Variants in TMEM248 observed in about 807,000 individuals in gnomAD.
TMEM248 encodes the protein UPF0458 protein C7orf42.
Under a neutral mutation model 30.3 loss-of-function variants are expected in TMEM248, and 9 were observed. The observed-to-expected ratio is 0.30, with a 90% CI of 0.18 to 0.52. The LOEUF is 0.52. Ranked by LOEUF, TMEM248 falls within the 20% of genes least tolerant of loss-of-function variation. TMEM248 has a pLI of 0.97. For synonymous variants in TMEM248, 184 were observed against 154.4 expected (o/e 1.19, Z -1.42); for missense variants, 338 against 403.3 (o/e 0.84, Z 1.39).
chr7:66,951,270 T>A, intron 5 of TMEM248, 135 bp downstream of exon 5: 1 of 803,410 alleles, frequency 1.2e-6, no homozygotes, highest in Non-Finnish European at 1.8e-6. Flanking sequence ...GATTTCCAGG[T>A]GAGTTAGGAC....
chr7:66,925,554 G>A lies in TMEM248; in HGVS notation c.-19+4093G>A, dbSNP rs137894528. On this transcript the variant is annotated intron_variant, in intron 1 of 6. Transcript: ENST00000341567. ...CCTGGCTTATTTCTCTTAGTATAACGTTCATCGCTTCTGTCCATGTTGTGG... is the reference window on the plus strand; with the variant it reads ...CCTGGCTTATTTCTCTTAGTATAACATTCATCGCTTCTGTCCATGTTGTGG... Among the ~76,000 whole-genome samples the A allele has an allele frequency of 2.0e-5, 3 of 152,088 alleles. No individual in the cohort carries two copies. The East Asian group carries it at 5.8e-4, about 29-fold the overall frequency.
intron 3 of TMEM248, among the ~76,000 whole-genome samples, chr7:66,945,870 G>A (rs1792087582): frequency 6.6e-6 from 1 of 152,164 alleles, no homozygotes; most frequent in South Asian, 2.1e-4. Flanking sequence ...CAGATCACAA[G>A]GTCAAGAGTT....
intron 1 of TMEM248, among the ~76,000 whole-genome samples, chr7:66,929,040 A>T (rs937787586): frequency 1.3e-5 from 2 of 152,148 alleles, no homozygotes; most frequent in African/African-American, 4.8e-5. Context: ...GGCTGGCCTC[A>T]GCCTCCCAGA....
intron 1 of TMEM248, among the ~76,000 whole-genome samples, chr7:66,941,561 A>AACACACACAC (rs72442084): frequency 2.7e-4 from 39 of 142,788 alleles, no homozygotes; most frequent in Middle Eastern, 6.9e-3. Flanking sequence ...TGTTTCTTAA[A>AACACACACAC]ACACACACAC....
At chr7:66,931,603 C>T (rs150086265) in intron 1 of TMEM248, among the ~76,000 whole-genome samples, 5 of 151,830 alleles carry the variant, frequency 3.3e-5, no homozygotes, top group African/African-American at 1.2e-4. Flanking sequence ...TCCCAAGTAG[C>T]TGGGCCATTG....
chr7:66,943,162 C>T (rs893937920), intron 2 of TMEM248, among the ~76,000 whole-genome samples: 1 of 152,086 alleles, frequency 6.6e-6, no homozygotes, highest in East Asian at 1.9e-4. Flanking sequence ...CTGACCCTGC[C>T]TCAATCTTTA....
At chr7:66,926,604 C>A (rs1296486693) in intron 1 of TMEM248, among the ~76,000 whole-genome samples, 10 of 148,200 alleles carry the variant, frequency 6.7e-5, no homozygotes, top group Admixed American at 2.7e-4. Flanking sequence ...CCACTGCAGT[C>A]CAGCCTGGGT....
intron 1 of TMEM248, among the ~76,000 whole-genome samples, chr7:66,938,227 GGTCTT>G (rs1791855730): frequency 6.6e-6 from 1 of 151,884 alleles, no homozygotes; most frequent in East Asian, 1.9e-4. Context: ...GTTGTTTTGT[GGTCTT>G]GTCTTCTTTC....
At chr7:66,935,238 A>G (rs1211024153) in intron 1 of TMEM248, among the ~76,000 whole-genome samples, 1 of 151,570 alleles carries the variant, frequency 6.6e-6, no homozygotes, top group African/African-American at 2.4e-5. Context: ...GCTGGAGTGC[A>G]GTGGCGCAAT....
chr7:66,924,897 G>A (rs1047123492), intron 1 of TMEM248, among the ~76,000 whole-genome samples: 3 of 151,632 alleles, frequency 2.0e-5, no homozygotes, highest in Non-Finnish European at 4.4e-5. Context: ...TTTTAGTAGA[G>A]ATGGGGTTTC....
chr7:66,938,226 TG>T (rs1249048136), intron 1 of TMEM248, among the ~76,000 whole-genome samples: 1 of 152,200 alleles, frequency 6.6e-6, no homozygotes, highest in Non-Finnish European at 1.5e-5. Context: ...GGTTGTTTTG[TG>T]GTCTTGTCTT....
At chr7:66,923,884 T>C (rs1238997477) in intron 1 of TMEM248, among the ~76,000 whole-genome samples, 2 of 152,138 alleles carry the variant, frequency 1.3e-5, no homozygotes, top group Admixed American at 6.6e-5. Flanking sequence ...CAGGCTGGTC[T>C]CAAACCCTTG....
chr7:66,948,539 C>T lies in TMEM248; in HGVS notation c.446-5C>T. ...CTTTATAAAAAAATGATTTCTCTTT[C>T]ATAGGCAGGGAAGCCCACGAGGAGA... On this transcript the variant is annotated splice_region_variant and splice_polypyrimidine_tract_variant and intron_variant, in intron 3 of 6. Coordinates refer to ENST00000341567, the MANE Select transcript of TMEM248 (RefSeq NM_017994.5). 5 of 1,612,098 alleles carry T rather than the reference C, an allele frequency of 3.1e-6. No homozygotes were observed. The highest frequency in any genetic ancestry group is 4.2e-6 in the Non-Finnish European group (5 of 1,179,108).
rs1268349393 is a variant in TMEM248 at position 66,955,752 on chromosome 7, A to G, written c.*230A>G. The G allele has an allele frequency of 1.9e-6, 1 of 514,274 alleles. No homozygotes were observed. Among genetic ancestry groups the G allele is most frequent in the Non-Finnish European group, 3.3e-6 (1 of 299,210 alleles). The allele number at this position is 514,274 out of a possible 1,614,324, so 31.9% of individuals were successfully genotyped here. A position where few individuals can be genotyped will look rare whatever the true frequency, so the allele number is the denominator to read the frequency against. Reference sequence around the variant, plus strand: ...CCCTGGGTACAGCCAGAGCCCTTCAACCCCACCTTGGACTTGAGGACCTAC... The same window carrying G: ...CCCTGGGTACAGCCAGAGCCCTTCAGCCCCACCTTGGACTTGAGGACCTAC... On this transcript the variant is annotated 3_prime_UTR_variant, in exon 7 of 7. Transcript: ENST00000341567.
chr7:66,950,859 G>A (rs759828713), intron 4 of TMEM248, 93 bp from the exon 5 acceptor site: 54 of 1,018,348 alleles, frequency 5.3e-5, no homozygotes, highest in African/African-American at 1.5e-4. Context: ...GTGTGTTGCC[G>A]TGTTCAGTGT....
intron 3 of TMEM248, among the ~76,000 whole-genome samples, chr7:66,946,772 ACCAGTACTAAAC>A (rs572005011): frequency 2.4e-4 from 36 of 152,348 alleles, no homozygotes; most frequent in African/African-American, 8.2e-4. Context: ...CTGCCCTTTG[ACCAGTACTAAAC>A]CCATGACAGA....
chr7:66,945,384 T>C, intron 3 of TMEM248, 123 bp downstream of exon 3: 1 of 1,094,978 alleles, frequency 9.1e-7, no homozygotes, highest in Non-Finnish European at 1.3e-6. Flanking sequence ...TGTCTTTTTT[T>C]TGTTGAGTTT....
intron 1 of TMEM248, among the ~76,000 whole-genome samples, chr7:66,928,715 G>A (rs1349816711): frequency 6.6e-6 from 1 of 152,086 alleles, no homozygotes; most frequent in African/African-American, 2.4e-5. Context: ...TGTCTCGATT[G>A]CAAAATTATA....
intron 3 of TMEM248, among the ~76,000 whole-genome samples, chr7:66,946,273 A>G (rs1792105086): frequency 6.6e-6 from 1 of 151,610 alleles, no homozygotes. Flanking sequence ...AAAAAAGAAA[A>G]GAAAAGACAA....
Sources: allele counts gnomAD v4.1 joint callset (sites outside exome capture counted in the v4.1 genomes callset), GRCh38; gene constraint gnomAD v4.1.1; transcripts MANE v1.5; gene names NCBI Gene and HGNC (gene_info 2026-07-23, HGNC 2026-07-21).